Variants in TTC28 observed in about 807,000 individuals in gnomAD.
TTC28 encodes tetratricopeptide repeat protein 28.
TTC28 carries 61 observed loss-of-function variants against 198.0 expected under a neutral mutation model. That is an observed-to-expected ratio of 0.31 (90% CI 0.25 to 0.38). The LOEUF (loss-of-function observed/expected upper bound fraction) is 0.38. TTC28 is among the 10% of genes least tolerant of loss of function. The probability of loss-of-function intolerance (pLI) is 1.00; values close to 1 mark genes in which losing one functional copy is unlikely to be tolerated. For synonymous variants in TTC28, 1,171 were observed against 1,297.8 expected (o/e 0.90, Z 2.10); for missense variants, 2,678 against 3,164.0 (o/e 0.85, Z 3.69).
chr22:28,533,775 T>C (rs1216221376), intron 2 of TTC28, among the ~76,000 whole-genome samples: 1 of 152,190 alleles, frequency 6.6e-6, no homozygotes, highest in Non-Finnish European at 1.5e-5. Context: ...AACCATCTGA[T>C]CTTTGACAAA....
chr22:28,168,757 C>T (rs940099979), intron 5 of TTC28, among the ~76,000 whole-genome samples: 14 of 152,182 alleles, frequency 9.2e-5, no homozygotes, highest in African/African-American at 3.4e-4. Context: ...AGGACATAGG[C>T]ATGGCCAAGG....
chr22:28,553,739 G>A (rs12484389), intron 2 of TTC28, among the ~76,000 whole-genome samples: 11,933 of 151,302 alleles, frequency 0.079, 595 homozygotes, highest in Admixed American at 0.15. Context: ...TGCCCCGTCC[G>A]GGAGGGAGGT....
intron 20 of TTC28, 116 bp from the exon 21 acceptor site, chr22:27,990,123 T>G: frequency 7.5e-7 from 1 of 1,331,930 alleles, no homozygotes; most frequent in East Asian, 2.6e-5. Context: ...GACCCTCTCA[T>G]GAGTGTAGCA....
intron 2 of TTC28, among the ~76,000 whole-genome samples, chr22:28,499,020 AT>A (rs1201931945): frequency 2.0e-5 from 3 of 151,838 alleles, no homozygotes; most frequent in African/African-American, 7.3e-5. Flanking sequence ...TGCAAAAAAA[AT>A]TTTTTTTAAT....
chr22:28,390,569 G>A (rs1415030474), intron 2 of TTC28, among the ~76,000 whole-genome samples: 4 of 152,184 alleles, frequency 2.6e-5, no homozygotes, highest in Non-Finnish European at 5.9e-5. Context: ...AGCCCTTCTT[G>A]TTGAATTGAT....
intron 5 of TTC28, among the ~76,000 whole-genome samples, chr22:28,171,138 T>C (rs372368682): frequency 1.2e-3 from 176 of 152,326 alleles, no homozygotes; most frequent in Admixed American, 1.5e-3. Flanking sequence ...TCTTAACAAA[T>C]ACTTAACAGT....
chr22:28,515,159 T>C (rs1042269236), intron 2 of TTC28, among the ~76,000 whole-genome samples: 1 of 152,196 alleles, frequency 6.6e-6, no homozygotes, highest in Non-Finnish European at 1.5e-5. Context: ...AAATCAATTA[T>C]GAAATAAAAA....
chr22:28,472,592 G>GTGTGTA (rs1491047974), intron 2 of TTC28, among the ~76,000 whole-genome samples: 1 of 143,234 alleles, frequency 7.0e-6, no homozygotes, highest in Non-Finnish European at 1.5e-5. Flanking sequence ...GTGTGTGTGT[G>GTGTGTA]TATCCTCAAA....
chr22:28,403,200 T>C (rs1431106244), intron 2 of TTC28, among the ~76,000 whole-genome samples: 1 of 152,198 alleles, frequency 6.6e-6, no homozygotes, highest in African/African-American at 2.4e-5. Context: ...ATCACCAGTC[T>C]TTGCTATTGG....
At chr22:28,216,573 T>C (rs1927420836) in intron 5 of TTC28, among the ~76,000 whole-genome samples, 1 of 151,938 alleles carries the variant, frequency 6.6e-6, no homozygotes, top group Non-Finnish European at 1.5e-5. Flanking sequence ...CTCATTTACA[T>C]ACAAAGGAAA....
At chr22:28,602,843 A>T (rs1279419504) in intron 2 of TTC28, among the ~76,000 whole-genome samples, 3 of 152,188 alleles carry the variant, frequency 2.0e-5, no homozygotes, top group Non-Finnish European at 4.4e-5. Flanking sequence ...TGCAAAAATT[A>T]ACTAAACTAA....
chr22:28,018,781 C>T (rs894638443), intron 13 of TTC28, among the ~76,000 whole-genome samples: 8 of 152,154 alleles, frequency 5.3e-5, no homozygotes, highest in African/African-American at 1.9e-4. Flanking sequence ...GGGAGCCCTC[C>T]GCCAGAGGTG....
chr22:28,267,435 C>A (rs900375373), intron 5 of TTC28, among the ~76,000 whole-genome samples: 6 of 152,174 alleles, frequency 3.9e-5, no homozygotes, highest in African/African-American at 1.4e-4. Context: ...GGTGCCAGGG[C>A]AAATCACTCT....
At chr22:28,162,943 CAAAAA>C in intron 6 of TTC28, 144 bp downstream of exon 6, 1 of 1,170,120 alleles carries the variant, frequency 8.5e-7, no homozygotes, top group African/African-American at 1.5e-5. Context: ...GACCCTGTCT[CAAAAA>C]GAAAAGGAAA....
At chr22:28,071,042 G>A (rs902518622) in intron 12 of TTC28, among the ~76,000 whole-genome samples, 11 of 152,026 alleles carry the variant, frequency 7.2e-5, no homozygotes, top group African/African-American at 1.2e-4. Context: ...CTGGTGTCAG[G>A]GCATGGGAGG....
rs930963791 is a variant in TTC28, at chr22:28,334,121, G to T, written c.382-27478C>A. Among the ~76,000 whole-genome samples the T allele has an allele frequency of 2.0e-5, 3 of 151,228 alleles. No individual in the cohort carries two copies. The Admixed American group carries it at 2.0e-4, about 10-fold the overall frequency. ...AAGGTGTTTGGTTTTTTCTCCTTGC[G>T]ATAGTTTGCTGAGAATGATGGTTTC... On this transcript the variant is annotated intron_variant, in intron 2 of 22. Coordinates refer to ENST00000397906, the MANE Select transcript of TTC28 (RefSeq NM_001145418.2).
At chr22:28,631,512 T>TTTTG (rs746360231) in intron 1 of TTC28, among the ~76,000 whole-genome samples, 1 of 152,076 alleles carries the variant, frequency 6.6e-6, no homozygotes, top group East Asian at 1.9e-4. Flanking sequence ...TGTCAAGTGT[T>TTTTG]TTTGTTTGTT....
chr22:28,481,930 T>C (rs976515785), intron 2 of TTC28, among the ~76,000 whole-genome samples: 12 of 152,122 alleles, frequency 7.9e-5, no homozygotes, highest in African/African-American at 4.8e-5. Flanking sequence ...ATACAGTCAG[T>C]CAGCCCCATG....
At chr22:28,209,993 G>C (rs560159539) in intron 5 of TTC28, among the ~76,000 whole-genome samples, 1 of 152,114 alleles carries the variant, frequency 6.6e-6, no homozygotes, top group African/African-American at 2.4e-5. Context: ...TTTGCTGTTC[G>C]GCAGCCTCCA....
Sources: allele counts gnomAD v4.1 joint callset (sites outside exome capture counted in the v4.1 genomes callset), GRCh38; gene constraint gnomAD v4.1.1; transcripts MANE v1.5; gene names NCBI Gene and HGNC (gene_info 2026-07-23, HGNC 2026-07-21).